CEP131: variants seen among roughly 807,000 people sequenced by gnomAD.
CEP131 encodes the protein centrosomal protein of 131 kDa.
CEP131 carries 99 observed loss-of-function variants against 136.8 expected under a neutral mutation model. That is an observed-to-expected ratio of 0.72 (90% CI 0.62 to 0.86). CEP131 has a LOEUF of 0.86. CEP131 is among the 40% of genes least tolerant of loss of function. The pLI, the probability that CEP131 is intolerant of heterozygous loss-of-function variation, is 0.00. For missense variants in CEP131, 1,459 were observed against 1,463.0 expected (o/e 1.00, Z 0.04); for synonymous variants, 646 against 612.7 (o/e 1.05, Z -0.80).
rs2061629473 is a variant in CEP131 at position 81,191,068 on chromosome 17, C to T, written c.2782G>A (p.Asp928Asn). The T allele has an allele frequency of 2.5e-6, 4 of 1,604,960 alleles. No individual in the cohort carries two copies. The highest frequency in any genetic ancestry group is 2.6e-6 in the Non-Finnish European group (3 of 1,175,434). ...AAESRIKRLR[D>N]KYEAELSELE... ...TCGGAGAGCTCGGCCTCGTACTTGT[C>T]CCGTAAGCGCTTGATGCTGGAGGTG... is the stretch of plus-strand genomic sequence containing the variant. Residue 928 changes from aspartate (D) to asparagine (N), a missense_variant, in exon 23 of 26, where the codon GAC becomes AAC. By Grantham distance (23) the Asp-to-Asn change is conservative. Coordinates refer to ENST00000450824, the MANE Select transcript of CEP131 (RefSeq NM_014984.4).
Position 81,192,547 on chromosome 17 carries a change from T to G in CEP131, c.2476A>C (p.Ser826Arg), listed in dbSNP as rs769201586. 3.1e-6 allele frequency: 5 copies of G among 1,610,064 alleles called. No individual in the cohort carries two copies. Among genetic ancestry groups the G allele is most frequent in the African/African-American group, 1.3e-5 (1 of 74,850 alleles). ...CTCAGGGCTCGGGTCAGTGCAGAGCTGCTCTCCTCCAGCTGCTGCCTCAGC... is the reference window on the plus strand; with the variant it reads ...CTCAGGGCTCGGGTCAGTGCAGAGCGGCTCTCCTCCAGCTGCTGCCTCAGC... The part of the protein sequence containing the change: ...EELRQQLEES[S>R]SALTRALRAE... The change falls in exon 20 of 26, where the codon AGC becomes CGC. Residue 826 changes from serine to arginine, a missense_variant. Around this residue, in one of 3 missense-constraint regions of CEP131, gnomAD observed 1,026 missense variants for 964.2 expected, o/e 1.06. Coordinates refer to ENST00000450824, the MANE Select transcript of CEP131 (RefSeq NM_014984.4).
rs760275645 is a variant in CEP131, at chr17:81,206,837, T to C, written c.422A>G (p.Asn141Ser). ...GTCAAGGGCACTGGAACTCCGGGCA[T>C]TGGATGGCAAGGTGAAGCCCCGGGG... is the stretch of plus-strand genomic sequence containing the variant. Reference protein sequence around the residue: ...DQPRGFTLPSNARSSSALDSP... With the variant: ...DQPRGFTLPSSARSSSALDSP... The change falls in exon 5 of 26, where the codon AAT becomes AGT. Residue 141 changes from asparagine (N) to serine (S), a missense_variant. Transcript: ENST00000450824. 4 of 1,614,022 alleles carry C rather than the reference T, an allele frequency of 2.5e-6. No homozygotes were observed. Among genetic ancestry groups the C allele is most frequent in the Admixed American group, 1.7e-5 (1 of 60,014 alleles).
Position 81,213,725 on chromosome 17 carries a change from G to A in CEP131, c.178-4703C>T, listed in dbSNP as rs1027371598. 4.6e-5 allele frequency among the ~76,000 whole-genome samples: 7 copies of A among 152,260 alleles called. No individual in the cohort carries two copies. In the East Asian group the frequency reaches 1.2e-3, roughly 25 times the overall value. On this transcript the variant is annotated intron_variant, in intron 2 of 25. Transcript: ENST00000450824. ...CTTCCTTCCAGAGAGCACAGGGGAT[G>A]GGCGACCTCACAGTGGAGAAGCCTG...
Position 81,191,249 on chromosome 17 carries a change from C to T in CEP131, c.2709G>A (p.Arg903=), listed in dbSNP as rs1291444125. 1 of 1,613,498 alleles carries T rather than the reference C, an allele frequency of 6.2e-7. No individual in the cohort carries two copies. Among genetic ancestry groups the T allele is most frequent in the Non-Finnish European group, 8.5e-7 (1 of 1,179,978 alleles). The change falls in exon 22 of 26, where the codon CGG becomes CGA. Residue 903 remains arginine, a synonymous_variant. Coordinates refer to ENST00000450824, the MANE Select transcript of CEP131 (RefSeq NM_014984.4). ...RDKEIELVIH[R]LEADMALAKE... is the part of the protein sequence containing the mutation. ...TGGCCAGCGCCATGTCGGCCTCCAG[C>T]CGGTGAATGACCAGCTCAATCTCCT...
chr17:81,213,625 A>C, intron 2 of CEP131, among the ~76,000 whole-genome samples: 1 of 152,018 alleles, frequency 6.6e-6, no homozygotes, highest in East Asian at 1.9e-4. Flanking sequence ...ATTCCAAATA[A>C]CTTCTATAGA....
At chr17:81,194,306 A>G (rs1415543534) in intron 17 of CEP131, among the ~76,000 whole-genome samples, 179 bp from the exon 18 acceptor site, 1 of 152,084 alleles carries the variant, frequency 6.6e-6, no homozygotes, top group African/African-American at 2.4e-5. Context: ...AGAGACCCCC[A>G]CAGGGCCACG....
intron 11 of CEP131, among the ~76,000 whole-genome samples, chr17:81,198,552 C>T (rs1265901749): frequency 2.0e-5 from 3 of 152,168 alleles, no homozygotes; most frequent in East Asian, 1.9e-4. Context: ...AGCCACCTGG[C>T]CCCACCATTG....
rs1289265407 is a variant in CEP131, at chr17:81,197,058, G to A, written c.1648-3C>T. On this transcript the variant is annotated splice_polypyrimidine_tract_variant and splice_region_variant and intron_variant, in intron 13 of 25. Transcript: ENST00000450824. ...GGCCCCGCCTCCGGCACCCACCCCTGCAGACACAGCCGAGCGTCAGGCGGA... is the reference window on the plus strand; with the variant it reads ...GGCCCCGCCTCCGGCACCCACCCCTACAGACACAGCCGAGCGTCAGGCGGA... The A allele has an allele frequency of 3.2e-6, 5 of 1,584,684 alleles. No individual in the cohort carries two copies. Among genetic ancestry groups the A allele is most frequent in the African/African-American group, 2.7e-5 (2 of 74,368 alleles).
At chr17:81,193,320 G>A (rs914823236) in intron 18 of CEP131, among the ~76,000 whole-genome samples, 2 of 152,202 alleles carry the variant, frequency 1.3e-5, no homozygotes, top group Non-Finnish European at 2.9e-5. Flanking sequence ...GAGACTGGGG[G>A]ACCAGCCAAG....
chr17:81,212,321 C>CAAA (rs71166130), intron 2 of CEP131, among the ~76,000 whole-genome samples: 10 of 135,086 alleles, frequency 7.4e-5, no homozygotes, highest in Non-Finnish European at 9.4e-5. Context: ...GATTCCCTCT[C>CAAA]AAAAAAAAAA....
chr17:81,192,452 C>T (rs1334041061), intron 20 of CEP131, 24 bp downstream of exon 20: 1 of 1,611,988 alleles, frequency 6.2e-7, no homozygotes. Flanking sequence ...TGGCCAGGCC[C>T]AGCACAGCCC....
intron 7 of CEP131, among the ~76,000 whole-genome samples, chr17:81,202,028 G>T (rs2061901595): frequency 6.6e-6 from 1 of 151,816 alleles, no homozygotes; most frequent in African/African-American, 2.4e-5. Flanking sequence ...GTGAACCCGG[G>T]AGGCAGAGCT....
In CEP131 at chr17:81,197,005, C is replaced by G; in HGVS notation, c.1698G>C (p.Val566=). ...GPGPLELGSE[V]STSVMRLKLE... ...GCTTCAGCCGCATCACAGACGTGCT[C>G]ACCTCGGACCCCAGCTCCAGGGGCC... Residue 566 remains valine, a synonymous_variant, in exon 14 of 26, where the codon GTG becomes GTC. Transcript: ENST00000450824. 6.3e-7 allele frequency: 1 copy of G among 1,598,894 alleles called. No homozygotes were observed. The highest frequency in any genetic ancestry group is 8.5e-7 in the Non-Finnish European group (1 of 1,172,648).
intron 2 of CEP131, among the ~76,000 whole-genome samples, chr17:81,212,780 G>A (rs548142145): frequency 3.9e-5 from 6 of 152,252 alleles, no homozygotes; most frequent in South Asian, 4.2e-4. Context: ...TCGGGGGGGC[G>A]AGAGGTGCCA....
At position 81,217,912 on chromosome 17, in the gene CEP131, A is replaced by G. The variant is rs536303921; in HGVS notation, c.177+1968T>C. On this transcript the variant is annotated intron_variant, in intron 2 of 25. Transcript: ENST00000450824. ...GGTCGGCCGCGGATAGAGCCTGGCC[A>G]TGCCGCCGAAAGACCATCTACTAGA... is the stretch of plus-strand genomic sequence containing the variant. Among the ~76,000 whole-genome samples, 3 of 152,312 alleles carry G rather than the reference A, an allele frequency of 2.0e-5. No homozygotes were observed. In the East Asian group the frequency reaches 5.8e-4, roughly 29 times the overall value.
chr17:81,189,623 A>T lies in CEP131; in HGVS notation c.*146T>A. 1 of 798,686 alleles carries T rather than the reference A, an allele frequency of 1.3e-6. No homozygotes were observed. The highest frequency in any genetic ancestry group is 2.0e-6 in the Non-Finnish European group (1 of 504,006). The allele number at this position is 798,686 out of a possible 1,614,324, so 49.5% of individuals were successfully genotyped here. ...GAAAACAACGGCCTCCTTTACTGTT[A>T]AAATGCAGCCACAGGTGCTTAGCCG... On this transcript the variant is annotated 3_prime_UTR_variant, in exon 26 of 26. Coordinates refer to ENST00000450824, the MANE Select transcript of CEP131 (RefSeq NM_014984.4).
chr17:81,207,043 C>T, intron 4 of CEP131, 82 bp downstream of exon 4: 1 of 1,538,784 alleles, frequency 6.5e-7, no homozygotes, highest in South Asian at 1.2e-5. Flanking sequence ...TGCCCTTTTG[C>T]AAAGGCAGTG....
At position 81,191,263 on chromosome 17, in the gene CEP131, G is replaced by A. The variant is rs1268639099; in HGVS notation, c.2695C>T (p.Leu899=). 1.2e-5 allele frequency: 19 copies of A among 1,613,420 alleles called. No individual in the cohort carries two copies. Among genetic ancestry groups the A allele is most frequent in the Non-Finnish European group, 1.6e-5 (19 of 1,179,974 alleles). Residue 899 remains leucine, a synonymous_variant, in exon 22 of 26, where the codon CTG becomes TTG. Coordinates refer to ENST00000450824, the MANE Select transcript of CEP131 (RefSeq NM_014984.4). ...TCGGCCTCCAGCCGGTGAATGACCA[G>A]CTCAATCTCCTTGTCCCGGCCTTTC... ...IRKGRDKEIE[L]VIHRLEADMA...
intron 15 of CEP131, 121 bp downstream of exon 15, chr17:81,196,580 C>T (rs535369218): frequency 2.8e-4 from 388 of 1,401,162 alleles, no homozygotes; most frequent in African/African-American, 1.5e-3. Context: ...ATGCGTCCAG[C>T]GGACACCCGT....
Sources: allele counts gnomAD v4.1 joint callset (sites outside exome capture counted in the v4.1 genomes callset), GRCh38; gene constraint gnomAD v4.1.1; regional missense constraint gnomAD v4.1.1; transcripts MANE v1.5; gene names NCBI Gene and HGNC (gene_info 2026-07-23, HGNC 2026-07-21).